CDH19: variants seen among roughly 807,000 people sequenced by gnomAD.
The protein encoded by CDH19 is cadherin-19.
In CDH19, 67 loss-of-function variants were observed where a neutral mutation model predicts 64.2. The ratio of observed to expected loss-of-function variants is 1.04; its 90% CI spans 0.86 to 1.28. The LOEUF is 1.28. Ranked by LOEUF, CDH19 falls within the 50% of genes most tolerant of loss-of-function variation. CDH19 has a pLI of 0.00. For missense variants in CDH19, 1,030 were observed against 929.0 expected (o/e 1.11, Z -1.41); for synonymous variants, 346 against 319.3 (o/e 1.08, Z -0.89).
chr18:66,562,307 A>G (rs753776774), intron 3 of CDH19, among the ~76,000 whole-genome samples: 1 of 151,640 alleles, frequency 6.6e-6, no homozygotes, highest in Non-Finnish European at 1.5e-5. Context: ...CCCACCTGGC[A>G]GTGATGGGAG....
Position 66,522,654 on chromosome 18 carries a change from T to A in CDH19, c.1458+7191A>T, listed in dbSNP as rs569811603. Among the ~76,000 whole-genome samples, 38 of 151,468 alleles carry A rather than the reference T, an allele frequency of 2.5e-4. 1 individual carries two copies. Among genetic ancestry groups the A allele is most frequent in the Admixed American group, 2.2e-3 (34 of 15,218 alleles). ...TTTCTTTTAAATATAATATGTTTTA[T>A]TATATATATTTTTTCTTCTTTTTGG... On this transcript the variant is annotated intron_variant, in intron 9 of 11. Transcript: ENST00000262150.
At chr18:66,547,274 T>C (rs1444404308) in intron 5 of CDH19, among the ~76,000 whole-genome samples, 1 of 151,962 alleles carries the variant, frequency 6.6e-6, no homozygotes, top group Non-Finnish European at 1.5e-5. Flanking sequence ...AAAAGAAAAG[T>C]AGAAAAAGTA....
In CDH19 at chr18:66,554,485, T is replaced by A. The variant is rs1371999981; in HGVS notation, c.530A>T (p.Asp177Val). ...VIQVTASDAD[D>V]PSSGNNARLL... ...ACGAGCATTATTACCACTTGAGGGA[T>A]CGTCAGCATCACTTGCTGTCACCTG... The change falls in exon 4 of 12, where the codon GAT (aspartate) becomes GTT (valine). Residue 177 changes from aspartate to valine, a missense_variant. Physicochemically the swap from Asp to Val is radical, Grantham distance 152. Transcript: ENST00000262150. 6.2e-7 allele frequency: 1 copy of A among 1,610,722 alleles called. No individual in the cohort carries two copies. Among genetic ancestry groups the A allele is most frequent in the Admixed American group, 1.7e-5 (1 of 59,838 alleles).
chr18:66,531,904 T>G (rs1986457584), intron 8 of CDH19, among the ~76,000 whole-genome samples: 2 of 152,186 alleles, frequency 1.3e-5, no homozygotes, highest in East Asian at 3.8e-4. Context: ...TTAAATATTA[T>G]TGTTTTGTTG....
chr18:66,525,144 A>T (rs529262251), intron 9 of CDH19, among the ~76,000 whole-genome samples: 2 of 152,248 alleles, frequency 1.3e-5, no homozygotes, highest in East Asian at 3.9e-4. Context: ...TTCTCTGTTT[A>T]CTTCTAAATA....
intron 9 of CDH19, among the ~76,000 whole-genome samples, chr18:66,520,855 G>T (rs1244699326): frequency 6.6e-6 from 1 of 151,944 alleles, no homozygotes; most frequent in Non-Finnish European, 1.5e-5. Context: ...ATGATTTATT[G>T]ATTGTTATGT....
At chr18:66,558,043 T>C (rs1369271004) in intron 3 of CDH19, among the ~76,000 whole-genome samples, 1 of 151,686 alleles carries the variant, frequency 6.6e-6, no homozygotes, top group African/African-American at 2.4e-5. Flanking sequence ...GTGCAACTCC[T>C]GTAGGTATTT....
In CDH19 at chr18:66,504,976, G is replaced by C. The variant is rs1985112823; in HGVS notation, c.2155C>G (p.Gln719Glu). Residue 719 changes from glutamine to glutamate, a missense_variant, in exon 12 of 12, where the codon CAG (glutamine) becomes GAG (glutamate). Gln to Glu is a conservative substitution (Grantham distance 29). Coordinates refer to ENST00000262150, the MANE Select transcript of CDH19 (RefSeq NM_021153.4). ...DPCAPPFDSL[Q>E]TYAFEGTGSL... ...CCTGTTCCCTCAAAAGCGTAGGTCT[G>C]GAGGGAATCAAAAGGAGGGGCACAC... The C allele has an allele frequency of 1.9e-6, 3 of 1,613,462 alleles. No homozygotes were observed. The African/African-American group carries it at 4.0e-5, about 22-fold the overall frequency.
chr18:66,584,026 C>T (rs1022379550), intron 1 of CDH19, among the ~76,000 whole-genome samples: 6 of 151,790 alleles, frequency 4.0e-5, no homozygotes, highest in African/African-American at 1.5e-4. Flanking sequence ...CTTAAGAATC[C>T]CTGCACAGCA....
chr18:66,564,368 C>T (rs1345502076), intron 3 of CDH19, among the ~76,000 whole-genome samples: 1 of 151,594 alleles, frequency 6.6e-6, no homozygotes. Flanking sequence ...ACTAGTTATC[C>T]CCATTCATTT....
intron 1 of CDH19, among the ~76,000 whole-genome samples, chr18:66,586,488 G>A (rs1988581782): frequency 6.6e-6 from 1 of 151,802 alleles, no homozygotes; most frequent in Non-Finnish European, 1.5e-5. Context: ...TTAAAATGGG[G>A]AAGTAGTTAG....
chr18:66,529,041 C>T (rs1424184013), intron 9 of CDH19, among the ~76,000 whole-genome samples: 1 of 151,768 alleles, frequency 6.6e-6, no homozygotes, highest in African/African-American at 2.4e-5. Flanking sequence ...TGTACCAGAG[C>T]TTAGAAGTAC....
At chr18:66,591,843 T>C (rs1262029018) in intron 1 of CDH19, among the ~76,000 whole-genome samples, 1 of 151,896 alleles carries the variant, frequency 6.6e-6, no homozygotes, top group East Asian at 1.9e-4. Flanking sequence ...ATCTTCAGAT[T>C]ATGTGGCTTC....
chr18:66,577,874 C>T (rs948324443), intron 1 of CDH19, among the ~76,000 whole-genome samples: 5 of 151,864 alleles, frequency 3.3e-5, no homozygotes, highest in African/African-American at 1.2e-4. Context: ...TTACATTTTC[C>T]AGCTTCTCAA....
intron 1 of CDH19, among the ~76,000 whole-genome samples, chr18:66,583,494 C>A (rs1272671342): frequency 6.6e-6 from 1 of 152,022 alleles, no homozygotes; most frequent in Admixed American, 6.6e-5. Flanking sequence ...CCACCTCCCA[C>A]CCTCTGCCCT....
chr18:66,582,494 C>G (rs1476118221), intron 1 of CDH19, among the ~76,000 whole-genome samples: 1 of 151,868 alleles, frequency 6.6e-6, no homozygotes, highest in Non-Finnish European at 1.5e-5. Context: ...GAAAAGGAAG[C>G]AATATTTTGG....
At chr18:66,515,527 G>T (rs1024832400) in intron 9 of CDH19, among the ~76,000 whole-genome samples, 9 of 151,594 alleles carry the variant, frequency 5.9e-5, no homozygotes, top group Admixed American at 2.0e-4. Context: ...TGTTCAAAAG[G>T]TCATTATAGC....
chr18:66,600,404 T>C (rs1397720877), intron 1 of CDH19, among the ~76,000 whole-genome samples: 1 of 151,874 alleles, frequency 6.6e-6, no homozygotes, highest in African/African-American at 2.4e-5. Context: ...ACTCACTCTC[T>C]TAAAAGTCTA....
At chr18:66,544,555 C>T (rs534397580) in intron 6 of CDH19, among the ~76,000 whole-genome samples, 164 bp downstream of exon 6, 1 of 152,188 alleles carries the variant, frequency 6.6e-6, no homozygotes, top group African/African-American at 2.4e-5. Context: ...ATTCAAAACA[C>T]TCTGTAATAA....
Sources: gnomAD v4.1 joint callset for allele counts (sites outside exome capture counted in the v4.1 genomes callset) on GRCh38, gnomAD v4.1.1 for gene constraint, MANE v1.5 for transcripts, NCBI Gene and HGNC (gene_info 2026-07-23, HGNC 2026-07-21) for gene names.